CCNB3: variants seen among roughly 807,000 people sequenced by gnomAD.
CCNB3 encodes cyclin B3.
A neutral mutation model predicts 68.0 loss-of-function variants in CCNB3; 12 were observed. The ratio of observed to expected loss-of-function variants is 0.18; its 90% CI spans 0.11 to 0.29. The LOEUF is 0.29. Among genes scored for constraint, CCNB3 ranks in the 10% least tolerant of loss-of-function variants. CCNB3 has a pLI of 1.00. For synonymous variants in CCNB3, 354 were observed against 388.9 expected, an observed-to-expected ratio of 0.91 and a Z score of 1.06; for missense variants, 904 against 993.1, an observed-to-expected ratio of 0.91 and a Z score of 1.21.
chrX:50,215,456 A>ATT (rs1248964582), intron 1 of CCNB3, among the ~76,000 whole-genome samples: 13 of 96,913 alleles, frequency 1.3e-4, no homozygotes, highest in African/African-American at 4.5e-4. Flanking sequence ...ATGAATGTGT[A>ATT]TTTTTTTTTT....
At chrX:50,206,099 A>C (rs1362852249) in intron 1 of CCNB3, among the ~76,000 whole-genome samples, 4 of 108,633 alleles carry the variant, frequency 3.7e-5, no homozygotes, top group Non-Finnish European at 5.7e-5. Flanking sequence ...AAATGCAAAA[A>C]CTAGCGGGAC....
At chrX:50,228,856 C>T (rs1372104926) in intron 1 of CCNB3, among the ~76,000 whole-genome samples, 2 of 53,621 alleles carry the variant, frequency 3.7e-5, no homozygotes, top group Non-Finnish European at 6.5e-5. Flanking sequence ...GAATATATAT[C>T]TAGAATATAT....
At chrX:50,221,944 G>T (rs2146987263) in intron 1 of CCNB3, among the ~76,000 whole-genome samples, 1 of 111,258 alleles carries the variant, frequency 9.0e-6, no homozygotes, top group South Asian at 3.8e-4. Flanking sequence ...TTATGAATCT[G>T]GGTGCTCCTG....
chrX:50,279,393 T>A (rs1225243468), intron 1 of CCNB3, among the ~76,000 whole-genome samples: 2 of 77,965 alleles, frequency 2.6e-5, no homozygotes, highest in Non-Finnish European at 4.5e-5. Flanking sequence ...AAATATTTTG[T>A]ATATTCATAT....
chrX:50,217,465 G>C (rs1425947670), intron 1 of CCNB3, among the ~76,000 whole-genome samples: 1 of 108,805 alleles, frequency 9.2e-6, no homozygotes, highest in East Asian at 2.9e-4. Context: ...GTAGAGACGG[G>C]GTTTCACCGT....
At chrX:50,333,445 C>T (rs1557218375) in intron 8 of CCNB3, among the ~76,000 whole-genome samples, 1 of 111,868 alleles carries the variant, frequency 8.9e-6, no homozygotes. Flanking sequence ...AACAGTGGGG[C>T]CTTGCCTCGC....
intron 5 of CCNB3, among the ~76,000 whole-genome samples, chrX:50,297,611 G>A (rs782704694): frequency 6.3e-5 from 7 of 111,893 alleles, no homozygotes; most frequent in South Asian, 3.7e-4. Context: ...TTGTCAATGC[G>A]GGCTCTTTTT....
At chrX:50,279,539 ATTC>A (rs1936051442) in intron 1 of CCNB3, among the ~76,000 whole-genome samples, 47 of 84,912 alleles carry the variant, frequency 5.5e-4, no homozygotes, top group African/African-American at 2.0e-3. Context: ...ATGAATATAT[ATTC>A]ATATATATAA....
At chrX:50,349,994 G>C (rs1557220883) in intron 11 of CCNB3, among the ~76,000 whole-genome samples, 2 of 111,250 alleles carry the variant, frequency 1.8e-5, no homozygotes, top group African/African-American at 6.5e-5. Flanking sequence ...TCCTGACAGA[G>C]TTCGTGGGTC....
chrX:50,346,000 T>C (rs1557220250), intron 9 of CCNB3, among the ~76,000 whole-genome samples: 1 of 112,247 alleles, frequency 8.9e-6, no homozygotes, highest in Admixed American at 9.4e-5. Flanking sequence ...CAAACCAATG[T>C]TTGACCTCCA....
At chrX:50,323,673 A>G (rs1490974811) in intron 8 of CCNB3, among the ~76,000 whole-genome samples, 1 of 112,330 alleles carries the variant, frequency 8.9e-6, no homozygotes, top group Non-Finnish European at 1.9e-5. Context: ...TTACTCTTGC[A>G]CTTGATATGC....
chrX:50,312,432 A>C, intron 6 of CCNB3, 105 bp from the exon 7 acceptor site: 2 of 658,705 alleles, frequency 3.0e-6, no homozygotes, highest in South Asian at 4.7e-5. Flanking sequence ...GAGACACCTT[A>C]GCAGAAGAAG....
chrX:50,289,161 A>G (rs1473000654), intron 4 of CCNB3, among the ~76,000 whole-genome samples: 2 of 111,969 alleles, frequency 1.8e-5, no homozygotes, highest in Admixed American at 9.5e-5. Context: ...GCATTTAGAT[A>G]AAGTCCAGAG....
intron 8 of CCNB3, among the ~76,000 whole-genome samples, chrX:50,325,283 T>G (rs111684985): frequency 0.021 from 2,311 of 111,542 alleles, 51 homozygotes; most frequent in African/African-American, 0.07. Flanking sequence ...ACTGAAAAAT[T>G]CCAAAAAGGA....
upstream of CCNB3, chrX:50,202,729 CAA>C (rs1569541882): frequency 1.8e-5 from 2 of 111,796 alleles, no homozygotes; most frequent in African/African-American, 6.5e-5. Flanking sequence ...CCCCAGATGA[CAA>C]AGAGAGAACT....
intron 1 of CCNB3, among the ~76,000 whole-genome samples, chrX:50,216,415 C>T (rs980128545): frequency 9.2e-6 from 1 of 109,173 alleles, no homozygotes; most frequent in African/African-American, 3.3e-5. Context: ...ACTACAGGGT[C>T]GGGCCACCAC....
intron 1 of CCNB3, among the ~76,000 whole-genome samples, chrX:50,206,290 A>C (rs1557205490): frequency 9.0e-6 from 1 of 110,964 alleles, no homozygotes; most frequent in Admixed American, 9.6e-5. Flanking sequence ...ACTTGGTAAC[A>C]GCTGGGCGCT....
chrX:50,279,088 A>G (rs1936011221), intron 1 of CCNB3, among the ~76,000 whole-genome samples: 1 of 59,687 alleles, frequency 1.7e-5, no homozygotes. Context: ...ATATAAATAT[A>G]TATTAATATA....
rs1557220388 is a variant in CCNB3, at chrX:50,346,809, T to A, written c.3810+2T>A. On this transcript the variant is annotated splice_donor_variant, in intron 10 of 12. Coordinates refer to ENST00000376042, the MANE Select transcript of CCNB3 (RefSeq NM_033031.3). LOFTEE classifies it high-confidence loss of function. The stretch of plus-strand genomic sequence containing the variant: ...CATTTTCTGCGCAGATATGCTAGGG[T>A]AAGAGAGAAGAGACACATCTTCATT... The A allele has an allele frequency of 8.3e-7, 1 of 1,207,408 alleles. No homozygotes were observed. Among genetic ancestry groups the A allele is most frequent in the Non-Finnish European group, 1.1e-6 (1 of 893,174 alleles).
Sources: gnomAD v4.1 joint callset for allele counts (sites outside exome capture counted in the v4.1 genomes callset) on GRCh38, gnomAD v4.1.1 for gene constraint, MANE v1.5 for transcripts, NCBI Gene and HGNC (gene_info 2026-07-23, HGNC 2026-07-21) for gene names.